AGAP1: variants seen among roughly 807,000 people sequenced by gnomAD.
The protein encoded by AGAP1 is ArfGAP with GTPase domain, ankyrin repeat and PH domain 1, also known as arf-GAP with GTPase, ANK repeat and PH domain-containing protein 1.
In AGAP1, 29 loss-of-function variants were observed where a neutral mutation model predicts 105.3. That is an observed-to-expected ratio of 0.28 (90% CI 0.21 to 0.38). AGAP1 has a LOEUF of 0.38. Ranked by LOEUF, AGAP1 falls within the 10% of genes least tolerant of loss-of-function variation. AGAP1 has a pLI of 1.00. For synonymous variants in AGAP1, 509 were observed against 485.9 expected (o/e 1.05, Z -0.63); for missense variants, 998 against 1,165.1 (o/e 0.86, Z 2.09).
chr2:236,102,767 G>C (rs1165130198), intron 16 of AGAP1, among the ~76,000 whole-genome samples: 1 of 152,070 alleles, frequency 6.6e-6, no homozygotes, highest in Non-Finnish European at 1.5e-5. Context: ...TCCTGTAAAC[G>C]TCCCGTGTTT....
chr2:235,511,998 G>C, intron 1 of AGAP1, among the ~76,000 whole-genome samples: 1 of 70,656 alleles, frequency 1.4e-5, no homozygotes, highest in Admixed American at 1.4e-4. Context: ...GTGTGTGAAT[G>C]CGTGTGTGAC....
At position 235,705,933 on chromosome 2, in the gene AGAP1, A is replaced by C. The variant is rs1208784183; in HGVS notation, c.164-3246A>C. 6.6e-6 allele frequency among the ~76,000 whole-genome samples: 1 copy of C among 152,216 alleles called. No individual in the cohort carries two copies. The highest frequency in any genetic ancestry group is 6.5e-5 in the Admixed American group (1 of 15,286). On this transcript the variant is annotated intron_variant, in intron 1 of 17. Transcript: ENST00000304032. The surrounding 1 kb of genome is among the most constrained non-coding windows in gnomAD (Gnocchi z 4.9). ...ATCTTATGGTGGTATGTGTTGAAAAATCAGCAGTGCATTGATGAATAGAGC... is the reference window on the plus strand; with the variant it reads ...ATCTTATGGTGGTATGTGTTGAAAACTCAGCAGTGCATTGATGAATAGAGC...
In AGAP1 at chr2:235,705,049, G is replaced by A. The variant is rs1357606581; in HGVS notation, c.164-4130G>A. Among the ~76,000 whole-genome samples the A allele has an allele frequency of 7.5e-6, 1 of 133,706 alleles. No homozygotes were observed. Among genetic ancestry groups the A allele is most frequent in the East Asian group, 2.4e-4 (1 of 4,096 alleles). The allele number at this position is 133,706 out of a possible 152,430, so 87.7% of individuals were successfully genotyped here. On this transcript the variant is annotated intron_variant, in intron 1 of 17. Transcript: ENST00000304032. This position sits in a 1 kb window ranked among gnomAD's most constrained non-coding sequence, Gnocchi z 4.9. ...GCTGGAGTGCAATGGTGGGATCTCGGCTCGCTGCAACCTCTACCTCCCGGG... is the reference window on the plus strand; with the variant it reads ...GCTGGAGTGCAATGGTGGGATCTCGACTCGCTGCAACCTCTACCTCCCGGG...
intron 13 of AGAP1, among the ~76,000 whole-genome samples, chr2:236,022,531 C>T (rs1480249975): frequency 6.6e-6 from 1 of 152,170 alleles, no homozygotes; most frequent in Admixed American, 6.5e-5. Context: ...GGCTTGCCTA[C>T]AGTCTTTGTC....
chr2:236,075,741 G>A (rs1325655257), intron 16 of AGAP1, among the ~76,000 whole-genome samples: 1 of 152,202 alleles, frequency 6.6e-6, no homozygotes, highest in Non-Finnish European at 1.5e-5. Flanking sequence ...CCCTGACAGA[G>A]GTCTCAAGAG....
chr2:235,767,949 G>A (rs1256030981), intron 6 of AGAP1, among the ~76,000 whole-genome samples: 1 of 151,876 alleles, frequency 6.6e-6, no homozygotes, highest in African/African-American at 2.4e-5. Context: ...ATCATGCCCG[G>A]CTAATTTCTG....
chr2:235,914,495 C>A (rs2051774892), intron 11 of AGAP1, among the ~76,000 whole-genome samples: 1 of 152,018 alleles, frequency 6.6e-6, no homozygotes, highest in Non-Finnish European at 1.5e-5. Flanking sequence ...ATAGAAAATA[C>A]CTGGAGGGGC....
intron 12 of AGAP1, among the ~76,000 whole-genome samples, chr2:235,933,494 C>T (rs1575816317): frequency 6.6e-6 from 1 of 151,784 alleles, no homozygotes; most frequent in East Asian, 1.9e-4. Context: ...CTGATTCCTA[C>T]AGCTTTATGG....
chr2:235,696,140 A>G (rs112928859), intron 1 of AGAP1, among the ~76,000 whole-genome samples: 3,736 of 152,132 alleles, frequency 0.025, 54 homozygotes, highest in Middle Eastern at 0.041. Flanking sequence ...CCGCCTCTCG[A>G]TTTCAAGCGA....
intron 13 of AGAP1, among the ~76,000 whole-genome samples, chr2:236,032,340 C>T (rs993701162): frequency 2.0e-5 from 3 of 152,210 alleles, no homozygotes; most frequent in African/African-American, 4.8e-5. Flanking sequence ...ACTCTATTCA[C>T]ATCTCTTTCA....
intron 1 of AGAP1, among the ~76,000 whole-genome samples, chr2:235,506,634 G>C (rs2149015531): frequency 6.6e-6 from 1 of 152,208 alleles, no homozygotes; most frequent in Admixed American, 6.5e-5. Context: ...AGAGTTTCTT[G>C]TTTTGAAAAT....
Position 235,780,866 on chromosome 2 carries a change from TGTAGCCTCTTCAAG to T in AGAP1, c.674-16888_674-16875del, listed in dbSNP as rs1343919017. Among the ~76,000 whole-genome samples, 12 of 152,334 alleles carry T rather than the reference TGTAGCCTCTTCAAG, an allele frequency of 7.9e-5. No homozygotes were observed. In the East Asian group the frequency reaches 1.9e-3, roughly 24 times the overall value. ...ACTGAGATAATGATGGTATCTGCTG[TGTAGCCTCTTCAAG>T]GTAGGTGGTTTATAAGTGTGGGAAA... On this transcript the variant is annotated intron_variant, in intron 6 of 17. Coordinates refer to ENST00000304032, the MANE Select transcript of AGAP1 (RefSeq NM_001037131.3).
At chr2:235,670,834 G>A (rs1288833727) in intron 1 of AGAP1, 2 of 1,414,874 alleles carry the variant, frequency 1.4e-6, no homozygotes, top group South Asian at 1.4e-5. Flanking sequence ...GCGACCTGCA[G>A]CGGCTGGAGC....
At chr2:235,694,212 G>T (rs1317948763) in intron 1 of AGAP1, among the ~76,000 whole-genome samples, 1 of 149,606 alleles carries the variant, frequency 6.7e-6, no homozygotes, top group Non-Finnish European at 1.5e-5. Context: ...AGGCATGGTG[G>T]CTCACACTTG....
intron 1 of AGAP1, among the ~76,000 whole-genome samples, chr2:235,688,665 A>T (rs1432151358): frequency 6.6e-6 from 1 of 152,128 alleles, no homozygotes; most frequent in Non-Finnish European, 1.5e-5. Flanking sequence ...TTTCGTCATG[A>T]CCACGTGTGT....
At chr2:235,727,353 G>A (rs1951698816) in intron 3 of AGAP1, among the ~76,000 whole-genome samples, 1 of 152,024 alleles carries the variant, frequency 6.6e-6, no homozygotes, top group Admixed American at 6.5e-5. Context: ...GGGGGAGGGG[G>A]TGTTGTGCAA....
intron 9 of AGAP1, among the ~76,000 whole-genome samples, chr2:235,871,828 T>G (rs1258629656): frequency 6.6e-6 from 1 of 152,186 alleles, no homozygotes; most frequent in East Asian, 1.9e-4. Flanking sequence ...GATAGTGTTA[T>G]TCCCACTGAT....
rs73996340 is a variant in AGAP1 at position 235,739,262 on chromosome 2, C to T, written c.311-1701C>T. 0.016 allele frequency among the ~76,000 whole-genome samples: 2,473 copies of T among 152,366 alleles called. 64 individuals are homozygous for T. The highest frequency in any genetic ancestry group is 0.057 in the African/African-American group (2,364 of 41,578). On this transcript the variant is annotated intron_variant, in intron 3 of 17. Transcript: ENST00000304032. This position sits in a 1 kb window ranked among gnomAD's most constrained non-coding sequence, Gnocchi z 5.3. The stretch of plus-strand genomic sequence containing the variant: ...GTCTGGGGGCGACCGTCTGCAGCAC[C>T]GTCACATACGTGGGGACGTCCACCT...
In AGAP1 at chr2:236,119,563, C is replaced by T. The variant is rs13016286; in HGVS notation, c.2115-629C>T. On this transcript the variant is annotated intron_variant, in intron 16 of 17. Transcript: ENST00000304032. The surrounding 1 kb of genome is among the most constrained non-coding windows in gnomAD (Gnocchi z 6.6). ...TCACCCCCAGGTGTGGGGAGCGCAC[C>T]GGCTGTCCCTTCCCCCCACCCCCGG... 0.077 allele frequency among the ~76,000 whole-genome samples: 11,672 copies of T among 151,896 alleles called. 621 individuals carry two copies. Among genetic ancestry groups the T allele is most frequent in the Middle Eastern group, 0.17 (50 of 294 alleles).
Sources: gnomAD v4.1 joint callset for allele counts (sites outside exome capture counted in the v4.1 genomes callset) on GRCh38, gnomAD v4.1.1 for gene constraint, Gnocchi (gnomAD v3.1) non-coding constraint, MANE v1.5 for transcripts, NCBI Gene and HGNC (gene_info 2026-07-23, HGNC 2026-07-21) for gene names.